The following CNTN6 variants were observed in gnomAD, a reference collection of about 807,000 sequenced individuals.
CNTN6 encodes the protein contactin-6.
Under a neutral mutation model 122.8 loss-of-function variants are expected in CNTN6, and 137 were observed. The observed-to-expected ratio is 1.12, with a 90% CI of 0.97 to 1.29. CNTN6 has a LOEUF of 1.29. CNTN6 is among the 50% of genes most tolerant of loss of function. CNTN6 has a pLI of 0.00. For synonymous variants in CNTN6, 570 were observed against 426.0 expected, an observed-to-expected ratio of 1.34 and a Z score of -4.16; for missense variants, 1,634 against 1,223.4, an observed-to-expected ratio of 1.34 and a Z score of -5.01.
chr3:1,103,049 T>C (rs1383296773), intron 1 of CNTN6, among the ~76,000 whole-genome samples: 1 of 150,180 alleles, frequency 6.7e-6, no homozygotes, highest in South Asian at 2.1e-4. Context: ...GAGCTTGCAG[T>C]GAGCCAAGAT....
intron 5 of CNTN6, among the ~76,000 whole-genome samples, chr3:1,294,620 T>C (rs572801053): frequency 6.6e-6 from 1 of 152,292 alleles, no homozygotes; most frequent in African/African-American, 2.4e-5. Context: ...GATGGACTGA[T>C]TGATGTTCAG....
chr3:1,163,743 G>T (rs1222931359), intron 2 of CNTN6, among the ~76,000 whole-genome samples: 1 of 152,192 alleles, frequency 6.6e-6, no homozygotes, highest in Non-Finnish European at 1.5e-5. Flanking sequence ...CTGCCTGTCT[G>T]TCAATGCGGT....
chr3:1,132,067 A>G (rs1010442374), intron 1 of CNTN6, among the ~76,000 whole-genome samples: 3 of 152,114 alleles, frequency 2.0e-5, no homozygotes, highest in Non-Finnish European at 2.9e-5. Flanking sequence ...TTCTATATGC[A>G]TTTAGTTTAT....
At position 1,318,655 on chromosome 3, in the gene CNTN6, A is replaced by G. The variant is rs115282463; in HGVS notation, c.762-2995A>G. 7.7e-3 allele frequency among the ~76,000 whole-genome samples: 1,165 copies of G among 151,900 alleles called. 9 individuals are homozygous for G. Among genetic ancestry groups the G allele is most frequent in the Middle Eastern group, 0.041 (12 of 294 alleles). ...GTTCCACAGAAGGTAAATTTGATTC[A>G]ATCCTATAGCTCTGGAGAGAATACA... On this transcript the variant is annotated intron_variant, in intron 7 of 22. Coordinates refer to ENST00000446702, the MANE Select transcript of CNTN6 (RefSeq NM_001289080.2).
intron 2 of CNTN6, among the ~76,000 whole-genome samples, chr3:1,218,179 A>G (rs2094154230): frequency 6.6e-6 from 1 of 151,934 alleles, no homozygotes; most frequent in Non-Finnish European, 1.5e-5. Flanking sequence ...AGAAGGCCAT[A>G]CCTGTGGTGG....
intron 2 of CNTN6, among the ~76,000 whole-genome samples, chr3:1,190,866 A>C (rs2093692131): frequency 6.6e-6 from 1 of 152,102 alleles, no homozygotes; most frequent in Non-Finnish European, 1.5e-5. Context: ...TTTATTACCC[A>C]GGTGGTGGGT....
chr3:1,267,091 A>T (rs114604727), intron 4 of CNTN6, among the ~76,000 whole-genome samples: 3,187 of 150,726 alleles, frequency 0.021, 90 homozygotes, highest in African/African-American at 0.07. Context: ...AATTTTTTGG[A>T]TAGCCTGAAC....
At position 1,138,344 on chromosome 3, in the gene CNTN6, A is replaced by G. The variant is rs13322657; in HGVS notation, c.-82-9583A>G. ...GTCCAACTTCACACTATAGAATTTT[A>G]TTCTCTGCTTTTTTTTTTTCCAAAC... On this transcript the variant is annotated intron_variant, in intron 1 of 22. Coordinates refer to ENST00000446702, the MANE Select transcript of CNTN6 (RefSeq NM_001289080.2). Among the ~76,000 whole-genome samples, 450 of 150,346 alleles carry G rather than the reference A, an allele frequency of 3.0e-3. 2 individuals are homozygous for G. The highest frequency in any genetic ancestry group is 0.011 in the African/African-American group (430 of 39,944).
chr3:1,218,371 T>G (rs2094157413), intron 2 of CNTN6, among the ~76,000 whole-genome samples: 2 of 152,174 alleles, frequency 1.3e-5, no homozygotes, highest in East Asian at 1.9e-4. Context: ...AAGCTATCCA[T>G]GTAGGAATAT....
intron 2 of CNTN6, among the ~76,000 whole-genome samples, chr3:1,196,387 C>A (rs2093778866): frequency 6.6e-6 from 1 of 152,182 alleles, no homozygotes; most frequent in South Asian, 2.1e-4. Context: ...AATGGCTTAA[C>A]TGCTCTGATA....
chr3:1,095,505 A>G (rs1169286083), intron 1 of CNTN6, among the ~76,000 whole-genome samples: 1 of 152,124 alleles, frequency 6.6e-6, no homozygotes, highest in Non-Finnish European at 1.5e-5. Context: ...AACAGAAAAC[A>G]GAAACATTGA....
chr3:1,331,360 G>A (rs1702263070), intron 11 of CNTN6, among the ~76,000 whole-genome samples: 1 of 151,942 alleles, frequency 6.6e-6, no homozygotes, highest in African/African-American at 2.4e-5. Context: ...ATCAAAAAGG[G>A]TGAACATGTA....
At chr3:1,162,108 G>C (rs1164727356) in intron 2 of CNTN6, among the ~76,000 whole-genome samples, 1 of 152,112 alleles carries the variant, frequency 6.6e-6, no homozygotes, top group Non-Finnish European at 1.5e-5. Flanking sequence ...AACAGGTGCT[G>C]TCTGCTCACT....
intron 4 of CNTN6, among the ~76,000 whole-genome samples, chr3:1,271,882 C>T (rs1479552035): frequency 2.0e-5 from 3 of 152,054 alleles, no homozygotes; most frequent in Non-Finnish European, 4.4e-5. Flanking sequence ...TAGTGTGAAC[C>T]GTGGAACCAG....
intron 2 of CNTN6, among the ~76,000 whole-genome samples, chr3:1,182,898 G>A (rs976484177): frequency 4.0e-5 from 6 of 151,644 alleles, no homozygotes; most frequent in African/African-American, 1.2e-4. Flanking sequence ...ATACCTTTTC[G>A]ACAGATTCAT....
chr3:1,163,815 A>G (rs1407402149), intron 2 of CNTN6, among the ~76,000 whole-genome samples: 1 of 152,242 alleles, frequency 6.6e-6, no homozygotes, highest in Non-Finnish European at 1.5e-5. Context: ...TGAGGAGACA[A>G]CCTGAAACAC....
chr3:1,265,312 C>G (rs1268007016), intron 4 of CNTN6, among the ~76,000 whole-genome samples: 4 of 152,180 alleles, frequency 2.6e-5, no homozygotes, highest in Admixed American at 1.3e-4. Flanking sequence ...AACCTAGTCA[C>G]TGTTCTCTGG....
rs76037419 is a variant in CNTN6 at position 1,373,787 on chromosome 3, C to T, written c.1945+25C>T. 2.5e-3 allele frequency: 3,883 copies of T among 1,557,264 alleles called. 95 individuals are homozygous for T. The African/African-American group carries it at 0.048, about 19-fold the overall frequency. Reference sequence around the variant, plus strand: ...GGTGAGTGACAAAAGTGTTTTGGGTCACTTTAAAAATAATATTTTAGTCCA... The same window carrying T: ...GGTGAGTGACAAAAGTGTTTTGGGTTACTTTAAAAATAATATTTTAGTCCA... On this transcript the variant is annotated intron_variant, in intron 15 of 22. Transcript: ENST00000446702.
chr3:1,207,249 C>A (rs1346338119), intron 2 of CNTN6, among the ~76,000 whole-genome samples: 4 of 152,074 alleles, frequency 2.6e-5, no homozygotes, highest in East Asian at 1.9e-4. Context: ...CCTCCATTTC[C>A]TTAGGCTGAA....
Sources: allele counts gnomAD v4.1 joint callset (sites outside exome capture counted in the v4.1 genomes callset), GRCh38; gene constraint gnomAD v4.1.1; transcripts MANE v1.5; gene names NCBI Gene and HGNC (gene_info 2026-07-23, HGNC 2026-07-21).